GLCCI1: variants seen among roughly 807,000 people sequenced by gnomAD.
The protein encoded by GLCCI1 is glucocorticoid induced 1.
A neutral mutation model predicts 52.2 loss-of-function variants in GLCCI1; 24 were observed. The observed-to-expected ratio is 0.46, with a 90% CI of 0.33 to 0.65. GLCCI1 has a LOEUF of 0.65. Ranked by LOEUF, GLCCI1 falls within the 30% of genes least tolerant of loss-of-function variation. The pLI, the probability that GLCCI1 is intolerant of heterozygous loss-of-function variation, is 0.02. For synonymous variants in GLCCI1, 310 were observed against 276.5 expected (o/e 1.12, Z -1.20); for missense variants, 704 against 701.5 (o/e 1.00, Z -0.04).
At chr7:8,071,172 CT>C (rs1782752917) in intron 6 of GLCCI1, 41 bp downstream of exon 6, 1 of 1,499,466 alleles carries the variant, frequency 6.7e-7, no homozygotes, top group South Asian at 1.1e-5. Context: ...TGTTATGGGC[CT>C]TGCTCATTAT....
intron 3 of GLCCI1, among the ~76,000 whole-genome samples, chr7:8,039,917 C>T (rs531627167): frequency 1.3e-5 from 2 of 150,828 alleles, no homozygotes; most frequent in East Asian, 2.0e-4. Context: ...GAACCACTTG[C>T]ACCCAGGAGG....
At chr7:8,045,430 G>A (rs1413097511) in intron 3 of GLCCI1, among the ~76,000 whole-genome samples, 1 of 152,184 alleles carries the variant, frequency 6.6e-6, no homozygotes, top group East Asian at 1.9e-4. Flanking sequence ...GGAATTGGTT[G>A]TTTTCAATGA....
intron 1 of GLCCI1, among the ~76,000 whole-genome samples, chr7:7,997,747 G>A (rs1207500763): frequency 6.6e-6 from 1 of 152,024 alleles, no homozygotes; most frequent in Non-Finnish European, 1.5e-5. Context: ...GGCCAACATA[G>A]TGAAACCCTG....
chr7:8,077,963 G>A (rs150242105), intron 6 of GLCCI1, among the ~76,000 whole-genome samples: 58 of 152,194 alleles, frequency 3.8e-4, no homozygotes, highest in East Asian at 9.7e-4. Flanking sequence ...GGCCGGGCGC[G>A]GTGGCTCACG....
chr7:8,040,498 A>C (rs1393189447), intron 3 of GLCCI1, among the ~76,000 whole-genome samples: 2 of 149,528 alleles, frequency 1.3e-5, no homozygotes, highest in African/African-American at 2.5e-5. Flanking sequence ...TCAAAAAAAA[A>C]CTTAAAAACC....
intron 2 of GLCCI1, among the ~76,000 whole-genome samples, chr7:8,006,561 A>G (rs1220742978): frequency 6.6e-6 from 1 of 152,246 alleles, no homozygotes; most frequent in East Asian, 1.9e-4. Flanking sequence ...ATATGTAGAC[A>G]TGCCCGCTTG....
intron 2 of GLCCI1, among the ~76,000 whole-genome samples, chr7:8,014,860 C>A (rs576391566): frequency 2.0e-5 from 3 of 152,312 alleles, no homozygotes; most frequent in Admixed American, 2.0e-4. Context: ...ACTTCCCTTT[C>A]TCCAGGTGAT....
In GLCCI1 at chr7:7,997,312, T is replaced by C. The variant is rs955217046; in HGVS notation, c.458-6596T>C. On this transcript the variant is annotated intron_variant, in intron 1 of 7. Coordinates refer to ENST00000223145, the MANE Select transcript of GLCCI1 (RefSeq NM_138426.4). Reference sequence around the variant, plus strand: ...ACATTAAAAACTATAGCTTTCAAGGTATTCTCATTACAGAATTAATGAAGT... The same window carrying C: ...ACATTAAAAACTATAGCTTTCAAGGCATTCTCATTACAGAATTAATGAAGT... 2.0e-5 allele frequency among the ~76,000 whole-genome samples: 3 copies of C among 152,280 alleles called. No homozygotes were observed. In the South Asian group the frequency reaches 6.2e-4, roughly 32 times the overall value.
At chr7:8,070,806 A>C (rs918679674) in intron 5 of GLCCI1, 115 bp from the exon 6 acceptor site, 2 of 856,354 alleles carry the variant, frequency 2.3e-6, no homozygotes, top group Non-Finnish European at 3.7e-6. Context: ...TAGCCTTTGA[A>C]GAATAAACTG....
rs189007605 is a variant in GLCCI1, at chr7:7,979,525, T to C, written c.457+9718T>C. On this transcript the variant is annotated intron_variant, in intron 1 of 7. Coordinates refer to ENST00000223145, the MANE Select transcript of GLCCI1 (RefSeq NM_138426.4). ...CTTTCATTAGATGAAGCTTGAAATA[T>C]TAATTGGTTCATCCTATGGTTTCTA... is the stretch of plus-strand genomic sequence containing the variant. Among the ~76,000 whole-genome samples the C allele has an allele frequency of 2.3e-3, 352 of 152,304 alleles. 9 individuals are homozygous for C. The highest frequency in any genetic ancestry group is 1.6e-4 in the Non-Finnish European group (11 of 68,020).
rs780954989 is a variant in GLCCI1 at position 8,071,148 on chromosome 7, C to T, written c.1177+17C>T. ...GTGATAAAGGTAAGAATGGAATTGT[C>T]CACTTAGAGGGTTTGTTATGGGCCT... On this transcript the variant is annotated intron_variant, in intron 6 of 7. Coordinates refer to ENST00000223145, the MANE Select transcript of GLCCI1 (RefSeq NM_138426.4). The T allele has an allele frequency of 6.2e-6, 10 of 1,602,184 alleles. No individual in the cohort carries two copies. Among genetic ancestry groups the T allele is most frequent in the Non-Finnish European group, 7.7e-6 (9 of 1,169,388 alleles).
At chr7:7,981,982 A>G (rs6975218) in intron 1 of GLCCI1, 30,604 of 421,904 alleles carry the variant, frequency 0.073, 2,083 homozygotes, top group African/African-American at 0.24. Context: ...ATTAATCCAG[A>G]TAAGTATGAG....
At chr7:8,030,701 G>C (rs1388621587) in intron 3 of GLCCI1, among the ~76,000 whole-genome samples, 2 of 151,936 alleles carry the variant, frequency 1.3e-5, no homozygotes, top group Non-Finnish European at 2.9e-5. Flanking sequence ...AAACCTAATA[G>C]TATGATTTTT....
chr7:8,046,921 A>G (rs1326191485), intron 3 of GLCCI1, among the ~76,000 whole-genome samples: 1 of 152,154 alleles, frequency 6.6e-6, no homozygotes, highest in Non-Finnish European at 1.5e-5. Context: ...AAATTTCCCA[A>G]GGTTGAAAAT....
In GLCCI1 at chr7:8,055,727, C is replaced by A. The variant is rs77262223; in HGVS notation, c.813+178C>A. ...CCGGGCGGCCGGCCTTGGTGGCTCA[C>A]GCCTGTAATCCCAGCACTTTGGGAG... On this transcript the variant is annotated intron_variant, in intron 4 of 7. Coordinates refer to ENST00000223145, the MANE Select transcript of GLCCI1 (RefSeq NM_138426.4). 970 of 449,946 alleles carry A rather than the reference C, an allele frequency of 2.2e-3. 7 individuals carry two copies. The highest frequency in any genetic ancestry group is 0.018 in the African/African-American group (879 of 49,348). The allele number at this position is 449,946 out of a possible 1,614,324, so 27.9% of individuals were successfully genotyped here.
intron 3 of GLCCI1, among the ~76,000 whole-genome samples, chr7:8,053,092 A>T (rs1199587309): frequency 6.6e-6 from 1 of 151,746 alleles, no homozygotes; most frequent in African/African-American, 2.4e-5. Flanking sequence ...ATAGCAAGTA[A>T]ACAGATGATG....
chr7:8,057,751 A>G (rs1230989538), intron 4 of GLCCI1, among the ~76,000 whole-genome samples: 1 of 152,178 alleles, frequency 6.6e-6, no homozygotes, highest in Non-Finnish European at 1.5e-5. Context: ...TACAATTAAC[A>G]TATTGTTTGT....
intron 6 of GLCCI1, among the ~76,000 whole-genome samples, chr7:8,074,220 A>C (rs899255657): frequency 1.3e-5 from 2 of 152,170 alleles, no homozygotes; most frequent in Non-Finnish European, 2.9e-5. Flanking sequence ...TTAGGAATGT[A>C]AACAAATAAT....
chr7:8,018,404 T>C (rs1781419619), intron 2 of GLCCI1, among the ~76,000 whole-genome samples: 1 of 152,172 alleles, frequency 6.6e-6, no homozygotes, highest in South Asian at 2.1e-4. Context: ...TTCTAGTTAG[T>C]GAATAAAGAT....
Sources: allele counts gnomAD v4.1 joint callset (sites outside exome capture counted in the v4.1 genomes callset), GRCh38; gene constraint gnomAD v4.1.1; transcripts MANE v1.5; gene names NCBI Gene and HGNC (gene_info 2026-07-23, HGNC 2026-07-21).